The following MRPS31 variants were observed in gnomAD, a reference collection of about 807,000 sequenced individuals.
The protein encoded by MRPS31 is mitochondrial ribosomal protein S31.
MRPS31 carries 32 observed loss-of-function variants against 43.1 expected under a neutral mutation model. The observed-to-expected ratio is 0.74, with a 90% CI of 0.56 to 1.00. MRPS31 has a LOEUF of 1.00. MRPS31 is among the 50% of genes least tolerant of loss of function. The probability of loss-of-function intolerance (pLI) is 0.00; values close to 1 mark genes in which losing one functional copy is unlikely to be tolerated. For synonymous variants in MRPS31, 165 were observed against 161.6 expected (o/e 1.02, Z -0.16); for missense variants, 437 against 466.7 (o/e 0.94, Z 0.59).
At chr13:40,768,395 C>T (rs1260448641) in intron 1 of MRPS31, among the ~76,000 whole-genome samples, 1 of 139,300 alleles carries the variant, frequency 7.2e-6, no homozygotes, top group Non-Finnish European at 1.5e-5. Context: ...CTCCAACAGG[C>T]ATCACCCCGC....
At chr13:40,734,048 G>A (rs1879795375) in intron 6 of MRPS31, among the ~76,000 whole-genome samples, 1 of 150,918 alleles carries the variant, frequency 6.6e-6, no homozygotes, top group Non-Finnish European at 1.5e-5. Context: ...AGAATAGCTT[G>A]AACCTGAGAG....
At chr13:40,742,559 T>C (rs548401971) in intron 6 of MRPS31, among the ~76,000 whole-genome samples, 2 of 152,316 alleles carry the variant, frequency 1.3e-5, no homozygotes, top group South Asian at 2.1e-4. Context: ...ACATACCTAA[T>C]ACTCTTTACG....
intron 1 of MRPS31, among the ~76,000 whole-genome samples, 186 bp from the exon 2 acceptor site, chr13:40,767,219 G>A (rs1289927315): frequency 6.6e-6 from 1 of 150,900 alleles, no homozygotes; most frequent in South Asian, 2.1e-4. Context: ...GTGCAATGGC[G>A]CGATCTTGGC....
chr13:40,767,911 C>T (rs1278168791), intron 1 of MRPS31, among the ~76,000 whole-genome samples: 2 of 152,164 alleles, frequency 1.3e-5, no homozygotes, highest in African/African-American at 4.8e-5. Flanking sequence ...TCAACATTGT[C>T]ATCGAGCTAC....
rs772278036 is a variant in MRPS31 at position 40,767,052 on chromosome 13, G to GA, written c.153-20dup. 6.4e-7 allele frequency: 1 copy of GA among 1,560,602 alleles called. No homozygotes were observed. The highest frequency in any genetic ancestry group is 1.2e-5 in the South Asian group (1 of 83,104). ...TTTTGTCCTGGAAAGATGCATTAAA[G>GA]AAAAAAATGAAAAATACAATGCAGT... On this transcript the variant is annotated intron_variant, in intron 1 of 6. Coordinates refer to ENST00000323563, the MANE Select transcript of MRPS31 (RefSeq NM_005830.4).
intron 2 of MRPS31, among the ~76,000 whole-genome samples, chr13:40,761,717 T>C (rs1880699619): frequency 6.6e-6 from 1 of 152,158 alleles, no homozygotes; most frequent in African/African-American, 2.4e-5. Context: ...TTCTGTACTT[T>C]TTAAATTTCT....
chr13:40,757,393 CAAATAA>C (rs1880559491), intron 3 of MRPS31, among the ~76,000 whole-genome samples: 1 of 147,320 alleles, frequency 6.8e-6, no homozygotes, highest in African/African-American at 2.5e-5. Flanking sequence ...TGTTCAAATA[CAAATAA>C]AATGAGTCAC....
intron 2 of MRPS31, among the ~76,000 whole-genome samples, chr13:40,759,786 G>T (rs1880641342): frequency 6.6e-6 from 1 of 152,038 alleles, no homozygotes; most frequent in Admixed American, 6.6e-5. Context: ...AATATATATT[G>T]TAAGCAAATA....
Position 40,756,945 on chromosome 13 carries a change from T to C in MRPS31, c.668A>G (p.Glu223Gly), listed in dbSNP as rs754722524. The C allele has an allele frequency of 6.2e-7, 1 of 1,613,868 alleles. No individual in the cohort carries two copies. The highest frequency in any genetic ancestry group is 8.5e-7 in the Non-Finnish European group (1 of 1,179,884). The change falls in exon 4 of 7, where the codon GAG (glutamate) becomes GGG (glycine). Residue 223 changes from glutamate to glycine, a missense_variant. By Grantham distance (98) the Glu-to-Gly change is moderately conservative. Coordinates refer to ENST00000323563, the MANE Select transcript of MRPS31 (RefSeq NM_005830.4). ...SATARVRSRP[E>G]LRIQFDEGYD... is the part of the protein sequence containing the mutation. ...GCCTTCATCAAACTGAATCCGAAGC[T>C]CTGGTCTTGAACGAACTCTAGCTGT...
In MRPS31 at chr13:40,743,904, T is replaced by C. The variant is rs541257671; in HGVS notation, c.958+5234A>G. Among the ~76,000 whole-genome samples the C allele has an allele frequency of 2.6e-5, 4 of 152,340 alleles. No homozygotes were observed. In the South Asian group the frequency reaches 8.3e-4, roughly 32 times the overall value. On this transcript the variant is annotated intron_variant, in intron 6 of 6. Coordinates refer to ENST00000323563, the MANE Select transcript of MRPS31 (RefSeq NM_005830.4). ...TACCATAAAGATACATGCATATGTA[T>C]GTTCATTGCAGCACTATTCACAATA...
At chr13:40,744,926 A>T (rs755934237) in intron 6 of MRPS31, among the ~76,000 whole-genome samples, 6 of 136,078 alleles carry the variant, frequency 4.4e-5, no homozygotes, top group Non-Finnish European at 7.9e-5. Context: ...TTTTATTTTT[A>T]TTTATTTATT....
At chr13:40,733,861 G>A (rs1274535414) in intron 6 of MRPS31, among the ~76,000 whole-genome samples, 7 of 150,864 alleles carry the variant, frequency 4.6e-5, no homozygotes, top group African/African-American at 7.3e-5. Flanking sequence ...ATGGGAGGCC[G>A]AGGTGGGAAA....
intron 5 of MRPS31, among the ~76,000 whole-genome samples, chr13:40,751,276 C>G (rs1481032671): frequency 6.6e-6 from 1 of 152,128 alleles, no homozygotes; most frequent in Non-Finnish European, 1.5e-5. Context: ...ATGTCTTTTC[C>G]ATCATCATTA....
intron 6 of MRPS31, among the ~76,000 whole-genome samples, chr13:40,742,480 T>C (rs1386270282): frequency 6.6e-6 from 1 of 152,200 alleles, no homozygotes; most frequent in East Asian, 1.9e-4. Flanking sequence ...GTCAGTACTT[T>C]AAGGCTCCTG....
intron 2 of MRPS31, among the ~76,000 whole-genome samples, chr13:40,759,456 CAAACAAAAA>C (rs1036567680): frequency 5.3e-5 from 8 of 150,950 alleles, no homozygotes; most frequent in African/African-American, 2.0e-4. Context: ...CAAACCAAAA[CAAACAAAAA>C]AAACAAAAAA....
At chr13:40,736,964 C>T (rs1447491501) in intron 6 of MRPS31, among the ~76,000 whole-genome samples, 1 of 150,734 alleles carries the variant, frequency 6.6e-6, no homozygotes, top group African/African-American at 2.4e-5. Flanking sequence ...ACTAAATGCT[C>T]CAATTAAAAG....
intron 2 of MRPS31, among the ~76,000 whole-genome samples, chr13:40,761,311 A>C (rs1880689251): frequency 6.6e-6 from 1 of 152,110 alleles, no homozygotes; most frequent in African/African-American, 2.4e-5. Flanking sequence ...AAGTTAAAAT[A>C]AAATGTGCTT....
chr13:40,730,582 T>C (rs1566102466), intron 6 of MRPS31, among the ~76,000 whole-genome samples: 1 of 152,146 alleles, frequency 6.6e-6, no homozygotes, highest in Non-Finnish European at 1.5e-5. Flanking sequence ...TCTTTTGAGA[T>C]AGAGTTTCAC....
intron 2 of MRPS31, among the ~76,000 whole-genome samples, chr13:40,766,483 G>A (rs1047609146): frequency 2.0e-5 from 3 of 152,030 alleles, no homozygotes; most frequent in African/African-American, 4.8e-5. Flanking sequence ...TAGTAGAGAC[G>A]GGGTTTCACC....
Sources: allele counts gnomAD v4.1 joint callset (sites outside exome capture counted in the v4.1 genomes callset), GRCh38; gene constraint gnomAD v4.1.1; transcripts MANE v1.5; gene names NCBI Gene and HGNC (gene_info 2026-07-23, HGNC 2026-07-21).